The following SLC39A11 variants were observed in gnomAD, a reference collection of about 807,000 sequenced individuals.
SLC39A11 encodes zinc transporter ZIP11.
In SLC39A11, 33 loss-of-function variants were observed where a neutral mutation model predicts 36.1. That is an observed-to-expected ratio of 0.91 (90% CI 0.69 to 1.22). The LOEUF (loss-of-function observed/expected upper bound fraction) is 1.22. SLC39A11 is among the 50% of genes most tolerant of loss of function. The pLI, the probability that SLC39A11 is intolerant of heterozygous loss-of-function variation, is 0.00. For missense variants in SLC39A11, 432 were observed against 430.3 expected, an observed-to-expected ratio of 1.00 and a Z score of -0.03; for synonymous variants, 166 against 170.3, an observed-to-expected ratio of 0.97 and a Z score of 0.20.
intron 5 of SLC39A11, among the ~76,000 whole-genome samples, chr17:72,909,647 G>C (rs770360583): frequency 3.3e-5 from 5 of 152,040 alleles, no homozygotes; most frequent in African/African-American, 4.8e-5. Flanking sequence ...CTGCCAAGGT[G>C]AAGAATTGTT....
chr17:72,655,810 G>A (rs1220890730), intron 7 of SLC39A11, among the ~76,000 whole-genome samples: 1 of 152,204 alleles, frequency 6.6e-6, no homozygotes, highest in African/African-American at 2.4e-5. Flanking sequence ...AGAAGTGACA[G>A]AGAATATTGA....
chr17:72,849,476 A>G (rs2079197221), intron 6 of SLC39A11, 158 bp downstream of exon 6: 2 of 682,598 alleles, frequency 2.9e-6, no homozygotes, highest in South Asian at 3.8e-5. Context: ...ATGACGATCA[A>G]AAAATAAAGC....
chr17:72,861,678 T>G (rs1281864204), intron 5 of SLC39A11, among the ~76,000 whole-genome samples: 1 of 121,596 alleles, frequency 8.2e-6, no homozygotes, highest in South Asian at 2.5e-4. Context: ...TATATATATA[T>G]ATATATATAT....
At chr17:72,883,752 T>G (rs1219725729) in intron 5 of SLC39A11, among the ~76,000 whole-genome samples, 2 of 152,184 alleles carry the variant, frequency 1.3e-5, no homozygotes, top group Non-Finnish European at 2.9e-5. Flanking sequence ...CACACCTCCA[T>G]CCCTCCTTAT....
chr17:72,984,683 A>G (rs1359613913), intron 4 of SLC39A11, among the ~76,000 whole-genome samples: 3 of 152,222 alleles, frequency 2.0e-5, no homozygotes, highest in Non-Finnish European at 4.4e-5. Flanking sequence ...AAATGTGAGA[A>G]TCACCGCAGT....
At chr17:72,924,827 C>A (rs2083935947) in intron 5 of SLC39A11, among the ~76,000 whole-genome samples, 2 of 151,964 alleles carry the variant, frequency 1.3e-5, no homozygotes, top group Non-Finnish European at 2.9e-5. Context: ...CATAGTGAAA[C>A]CCCGTCTCTA....
intron 4 of SLC39A11, among the ~76,000 whole-genome samples, chr17:72,997,662 T>G (rs1348034186): frequency 6.6e-6 from 1 of 152,224 alleles, no homozygotes; most frequent in Non-Finnish European, 1.5e-5. Context: ...AAATAATTCA[T>G]AGGTTTTAAA....
intron 9 of SLC39A11, 120 bp from the exon 10 acceptor site, chr17:72,647,782 T>C (rs1325525268): frequency 4.1e-6 from 3 of 738,750 alleles, no homozygotes; most frequent in Non-Finnish European, 6.9e-6. Context: ...TTAATAATGG[T>C]AACATTTACT....
intron 5 of SLC39A11, among the ~76,000 whole-genome samples, chr17:72,874,475 C>T (rs936700942): frequency 1.3e-5 from 2 of 152,162 alleles, no homozygotes; most frequent in Admixed American, 1.3e-4. Flanking sequence ...AAGGCTGTCG[C>T]AGGGATGCTG....
At chr17:73,086,859 G>C (rs1213302412) in intron 2 of SLC39A11, among the ~76,000 whole-genome samples, 1 of 151,576 alleles carries the variant, frequency 6.6e-6, no homozygotes, top group Non-Finnish European at 1.5e-5. Context: ...AGCCTGGCCG[G>C]ATGGGGTTAC....
At chr17:72,673,965 G>A (rs2071138839) in intron 7 of SLC39A11, among the ~76,000 whole-genome samples, 1 of 152,160 alleles carries the variant, frequency 6.6e-6, no homozygotes. Flanking sequence ...CTACTTGGGA[G>A]GCTGAGGCAG....
chr17:72,818,995 A>ATTT (rs1568141761), intron 6 of SLC39A11: 8 of 149,296 alleles, frequency 5.4e-5, no homozygotes, highest in African/African-American at 2.0e-4. Flanking sequence ...GTTTTTTTTA[A>ATTT]AAAAAAGCAG....
intron 6 of SLC39A11, among the ~76,000 whole-genome samples, chr17:72,822,517 G>A (rs561210737): frequency 1.3e-5 from 2 of 150,880 alleles, no homozygotes; most frequent in Admixed American, 6.6e-5. Flanking sequence ...TCAGCTTCAC[G>A]TGGCCAGTGC....
At chr17:72,707,644 G>A (rs1488644470) in intron 7 of SLC39A11, among the ~76,000 whole-genome samples, 1 of 152,166 alleles carries the variant, frequency 6.6e-6, no homozygotes, top group African/African-American at 2.4e-5. Flanking sequence ...ACATTTACGA[G>A]TTGCACAAAG....
At chr17:72,766,077 T>C (rs1397132786) in intron 6 of SLC39A11, among the ~76,000 whole-genome samples, 2 of 152,154 alleles carry the variant, frequency 1.3e-5, no homozygotes, top group Non-Finnish European at 2.9e-5. Context: ...ATGCCAAGCA[T>C]CATTCATCAG....
chr17:72,902,989 G>A (rs180851555), intron 5 of SLC39A11, among the ~76,000 whole-genome samples: 4 of 152,128 alleles, frequency 2.6e-5, no homozygotes, highest in South Asian at 2.1e-4. Flanking sequence ...GAAATAGGCC[G>A]GGCTCGGCGG....
rs115789430 is a variant in SLC39A11 at position 72,804,474 on chromosome 17, A to G, written c.601+45160T>C. Among the ~76,000 whole-genome samples, 471 of 152,352 alleles carry G rather than the reference A, an allele frequency of 3.1e-3. 2 individuals carry two copies. Among genetic ancestry groups the G allele is most frequent in the African/African-American group, 0.011 (442 of 41,580 alleles). On this transcript the variant is annotated intron_variant, in intron 6 of 9. Coordinates refer to ENST00000255559, the MANE Select transcript of SLC39A11 (RefSeq NM_139177.4). ...TAAAGTCGAGGGTTGGATATGATCT[A>G]TTACAAAGATACCTAAGCAATTTAA...
intron 6 of SLC39A11, among the ~76,000 whole-genome samples, chr17:72,737,767 C>T (rs576530922): frequency 1.2e-4 from 18 of 152,094 alleles, no homozygotes; most frequent in East Asian, 1.9e-4. Flanking sequence ...CATACCTCTT[C>T]GGCCAGAACA....
At chr17:72,972,152 G>A (rs1314654814) in intron 4 of SLC39A11, among the ~76,000 whole-genome samples, 1 of 152,308 alleles carries the variant, frequency 6.6e-6, no homozygotes, top group African/African-American at 2.4e-5. Context: ...CTAAATAAGT[G>A]AATAAAAGCA....
Sources: gnomAD v4.1 joint callset for allele counts (sites outside exome capture counted in the v4.1 genomes callset) on GRCh38, gnomAD v4.1.1 for gene constraint, MANE v1.5 for transcripts, NCBI Gene and HGNC (gene_info 2026-07-23, HGNC 2026-07-21) for gene names.